HIPK2: variants seen among roughly 807,000 people sequenced by gnomAD.
The protein encoded by HIPK2 is homeodomain interacting protein kinase 2, also known as homeodomain-interacting protein kinase 2.
Under a neutral mutation model 113.7 loss-of-function variants are expected in HIPK2, and 27 were observed. The observed-to-expected ratio is 0.24, with a 90% CI of 0.17 to 0.33. The LOEUF (loss-of-function observed/expected upper bound fraction) is 0.33. HIPK2 is among the 10% of genes least tolerant of loss of function. The pLI, the probability that HIPK2 is intolerant of heterozygous loss-of-function variation, is 1.00. For synonymous variants in HIPK2, 631 were observed against 642.2 expected (o/e 0.98, Z 0.26); for missense variants, 1,257 against 1,588.0 (o/e 0.79, Z 3.54).
intron 2 of HIPK2, among the ~76,000 whole-genome samples, chr7:139,643,764 G>C (rs906172583): frequency 1.8e-4 from 28 of 152,240 alleles, no homozygotes; most frequent in African/African-American, 6.5e-4. Flanking sequence ...TAATGTCAAT[G>C]AGGAAGGTTC....
At chr7:139,777,221 G>GGAAAGGAGGTGCTCC (rs1364901460) in intron 1 of HIPK2, 1 of 151,384 alleles carries the variant, frequency 6.6e-6, no homozygotes, top group Non-Finnish European at 1.5e-5. Context: ...AGAGCGAAGT[G>GGAAAGGAGGTGCTCC]GAAAGGAGGT....
At chr7:139,678,935 A>G (rs1210234522) in intron 2 of HIPK2, among the ~76,000 whole-genome samples, 1 of 152,064 alleles carries the variant, frequency 6.6e-6, no homozygotes, top group African/African-American at 2.4e-5. Flanking sequence ...TGTGACTGGG[A>G]GTTCACTCAT....
chr7:139,723,909 C>T (rs28461274), intron 1 of HIPK2, among the ~76,000 whole-genome samples: 124 of 152,182 alleles, frequency 8.1e-4, no homozygotes, highest in African/African-American at 2.8e-3. Context: ...GAATCATGAA[C>T]ACCTGATTTT....
intron 2 of HIPK2, among the ~76,000 whole-genome samples, chr7:139,641,227 T>C (rs1179632231): frequency 2.0e-5 from 3 of 152,084 alleles, no homozygotes. Flanking sequence ...TAGCCGGACA[T>C]GGTGGCACGC....
At chr7:139,641,651 G>A (rs1363034842) in intron 2 of HIPK2, among the ~76,000 whole-genome samples, 1 of 152,128 alleles carries the variant, frequency 6.6e-6, no homozygotes, top group Non-Finnish European at 1.5e-5. Context: ...GACCCCGGTG[G>A]GCAGAGTCAA....
chr7:139,594,961 C>T (rs1305986148), intron 12 of HIPK2, among the ~76,000 whole-genome samples: 1 of 152,120 alleles, frequency 6.6e-6, no homozygotes, highest in Non-Finnish European at 1.5e-5. Context: ...TAGGGGCTGC[C>T]GCAGAGGCAC....
chr7:139,713,345 G>A (rs1296758306), intron 2 of HIPK2, among the ~76,000 whole-genome samples: 1 of 152,122 alleles, frequency 6.6e-6, no homozygotes, highest in Non-Finnish European at 1.5e-5. Flanking sequence ...TGCTGCCGCA[G>A]GCTTCCTGAG....
At chr7:139,648,611 G>T (rs533068269) in intron 2 of HIPK2, among the ~76,000 whole-genome samples, 1 of 152,082 alleles carries the variant, frequency 6.6e-6, no homozygotes, top group Non-Finnish European at 1.5e-5. Context: ...CTTCACGTCC[G>T]GTTAAAACGA....
chr7:139,604,871 T>G (rs1345622851), intron 9 of HIPK2, among the ~76,000 whole-genome samples: 1 of 152,204 alleles, frequency 6.6e-6, no homozygotes, highest in Non-Finnish European at 1.5e-5. Flanking sequence ...CCCACAACTA[T>G]GTACAGGGGA....
At chr7:139,648,556 A>G (rs1007890883) in intron 2 of HIPK2, among the ~76,000 whole-genome samples, 16 of 152,350 alleles carry the variant, frequency 1.1e-4, no homozygotes, top group African/African-American at 3.4e-4. Context: ...CCCCCGGGAT[A>G]GCATCAATAG....
intron 1 of HIPK2, among the ~76,000 whole-genome samples, chr7:139,762,962 A>T (rs970859349): frequency 1.3e-5 from 2 of 152,256 alleles, no homozygotes; most frequent in African/African-American, 4.8e-5. Flanking sequence ...CTGGAGGATC[A>T]GGGAAAGCCT....
At chr7:139,681,552 G>A (rs1013275302) in intron 2 of HIPK2, among the ~76,000 whole-genome samples, 1 of 152,162 alleles carries the variant, frequency 6.6e-6, no homozygotes, top group Non-Finnish European at 1.5e-5. Flanking sequence ...CAGTGTGGGT[G>A]TCAAGAGGTG....
intron 2 of HIPK2, among the ~76,000 whole-genome samples, chr7:139,682,419 G>A (rs1485010870): frequency 2.0e-5 from 3 of 152,156 alleles, no homozygotes; most frequent in African/African-American, 7.2e-5. Context: ...TTGGAATGAA[G>A]GGCTCTGTTG....
chr7:139,712,142 G>T (rs1036592973), intron 2 of HIPK2, among the ~76,000 whole-genome samples: 2 of 152,182 alleles, frequency 1.3e-5, no homozygotes, highest in Admixed American at 1.3e-4. Flanking sequence ...GAATTGGAAG[G>T]GAATACCCCT....
intron 2 of HIPK2, among the ~76,000 whole-genome samples, chr7:139,674,957 G>A (rs972124514): frequency 4.6e-5 from 7 of 152,106 alleles, no homozygotes; most frequent in Admixed American, 2.0e-4. Context: ...CTGGAAGTTC[G>A]CACACTTCTG....
intron 2 of HIPK2, among the ~76,000 whole-genome samples, chr7:139,702,144 C>T (rs909396494): frequency 4.1e-4 from 62 of 152,306 alleles, no homozygotes; most frequent in African/African-American, 1.3e-3. Flanking sequence ...GGCCGGGGCA[C>T]GAGACAGCGG....
intron 1 of HIPK2, among the ~76,000 whole-genome samples, chr7:139,759,695 G>A: frequency 6.6e-6 from 1 of 152,124 alleles, no homozygotes; most frequent in Non-Finnish European, 1.5e-5. Context: ...TATGTGTTAT[G>A]TTATCCTTTG....
chr7:139,600,046 G>C (rs1799363146), intron 11 of HIPK2, among the ~76,000 whole-genome samples: 1 of 152,122 alleles, frequency 6.6e-6, no homozygotes, highest in South Asian at 2.1e-4. Flanking sequence ...AGTTTAGGCA[G>C]AATCTCCCTT....
In HIPK2 at chr7:139,573,302, C is replaced by A; in HGVS notation, c.3222G>T (p.Pro1074=). ...CAGTGCCGTGGCTGGGGCTGTTGTG[C>A]GGGAAGGAGTACGGAGCCTGGGCCA... ...PTMAQAPYSF[P]HNSPSHGTVH... Residue 1074 remains proline, a synonymous_variant, in exon 15 of 15, where the codon CCG becomes CCT. Transcript: ENST00000406875. 6.2e-7 allele frequency: 1 copy of A among 1,604,844 alleles called. No homozygotes were observed. The highest frequency in any genetic ancestry group is 2.2e-5 in the East Asian group (1 of 44,836).
Sources: allele counts gnomAD v4.1 joint callset (sites outside exome capture counted in the v4.1 genomes callset), GRCh38; gene constraint gnomAD v4.1.1; transcripts MANE v1.5; gene names NCBI Gene and HGNC (gene_info 2026-07-23, HGNC 2026-07-21).